Variants in SOCS6 observed in about 807,000 individuals in gnomAD.
The protein encoded by SOCS6 is suppressor of cytokine signaling 6, also known as STAT induced STAT inhibitor-4.
In SOCS6, 5 loss-of-function variants were observed where a neutral mutation model predicts 27.7. The observed-to-expected ratio is 0.18, with a 90% CI of 0.09 to 0.38. SOCS6 has a LOEUF of 0.38. Ranked by LOEUF, SOCS6 falls within the 10% of genes least tolerant of loss-of-function variation. SOCS6 has a pLI of 1.00. For synonymous variants in SOCS6, 271 were observed against 260.0 expected (o/e 1.04, Z -0.41); for missense variants, 595 against 688.1 (o/e 0.86, Z 1.51).
At chr18:70,324,097 T>C (rs960457447) in intron 1 of SOCS6, among the ~76,000 whole-genome samples, 2 of 151,968 alleles carry the variant, frequency 1.3e-5, no homozygotes, top group Non-Finnish European at 2.9e-5. Flanking sequence ...GGTCAAGAGA[T>C]CGAGACCATC....
At chr18:70,289,773 C>G (rs1022621950) in intron 1 of SOCS6, among the ~76,000 whole-genome samples, 2 of 152,116 alleles carry the variant, frequency 1.3e-5, no homozygotes, top group Non-Finnish European at 2.9e-5. Flanking sequence ...CGCACTCACC[C>G]GGGTGTAGGG....
chr18:70,323,446 T>C (rs534987729), intron 1 of SOCS6, among the ~76,000 whole-genome samples: 3 of 152,280 alleles, frequency 2.0e-5, no homozygotes, highest in Admixed American at 6.5e-5. Flanking sequence ...AGAAAATATA[T>C]TTCTGGATAT....
intron 1 of SOCS6, among the ~76,000 whole-genome samples, chr18:70,320,632 ATTAG>A (rs914487184): frequency 8.5e-5 from 13 of 152,300 alleles, no homozygotes; most frequent in Admixed American, 2.0e-4. Context: ...TAATTTTATT[ATTAG>A]TTATAGTTAT....
rs895966817 is a variant in SOCS6, at chr18:70,327,660, T to C, written c.*1384T>C. On this transcript the variant is annotated 3_prime_UTR_variant, in exon 2 of 2. Coordinates refer to ENST00000397942, the MANE Select transcript of SOCS6 (RefSeq NM_004232.4). ...TAGTTATTTTGTAATGCAGAGTGTT[T>C]ATTCATTTCACAGTTCTGCAATGGA... is the stretch of plus-strand genomic sequence containing the variant. 1.2e-5 allele frequency: 2 copies of C among 167,082 alleles called. No individual in the cohort carries two copies. Among genetic ancestry groups the C allele is most frequent in the Admixed American group, 6.5e-5 (1 of 15,278 alleles). 10.3% of individuals were successfully genotyped at this position (167,082 alleles called of 1,614,324 possible).
chr18:70,328,722 G>A lies in SOCS6; in HGVS notation c.*2446G>A, dbSNP rs1334400613. 1 of 166,774 alleles carries A rather than the reference G, an allele frequency of 6.0e-6. No individual in the cohort carries two copies. The highest frequency in any genetic ancestry group is 2.4e-5 in the African/African-American group (1 of 41,346). The allele number at this position is 166,774 out of a possible 1,614,324, so 10.3% of individuals were successfully genotyped here. The stretch of plus-strand genomic sequence containing the variant: ...AAATTTACAAGCAGAAAGATGTTTT[G>A]CGATATTTTCTACTTTTGTGTAGAA... On this transcript the variant is annotated 3_prime_UTR_variant, in exon 2 of 2. Transcript: ENST00000397942.
At chr18:70,308,779 C>T (rs990506518) in intron 1 of SOCS6, among the ~76,000 whole-genome samples, 5 of 152,066 alleles carry the variant, frequency 3.3e-5, no homozygotes, top group Admixed American at 3.3e-4. Flanking sequence ...GCTGTGTCTT[C>T]GTTATGTATT....
chr18:70,324,918 A>T lies in SOCS6; in HGVS notation c.250A>T (p.Lys84Ter). ...TACGCTAAAAAGGCGGCTTTCTGCA[A>T]AACAGAAGTCAAAAGGCAAGGCGGG... Reference protein sequence around the residue: ...MGTLKRRLSAKQKSKGKAGTP... With the variant: ...MGTLKRRLSA Residue 84 changes from lysine to a stop codon, truncating the protein, a stop_gained, in exon 2 of 2, where the codon AAA (lysine) becomes TAA (stop). Coordinates refer to ENST00000397942, the MANE Select transcript of SOCS6 (RefSeq NM_004232.4). LOFTEE classifies it high-confidence loss of function. 1 of 1,614,220 alleles carries T rather than the reference A, an allele frequency of 6.2e-7. No homozygotes were observed. The highest frequency in any genetic ancestry group is 8.5e-7 in the Non-Finnish European group (1 of 1,180,042).
At chr18:70,299,221 A>C (rs940948854) in intron 1 of SOCS6, among the ~76,000 whole-genome samples, 1 of 152,162 alleles carries the variant, frequency 6.6e-6, no homozygotes, top group African/African-American at 2.4e-5. Context: ...GTCCCATGAG[A>C]CTGCCCCGTC....
At chr18:70,323,363 A>G (rs537534211) in intron 1 of SOCS6, among the ~76,000 whole-genome samples, 2 of 152,346 alleles carry the variant, frequency 1.3e-5, no homozygotes, top group East Asian at 1.9e-4. Flanking sequence ...TTTGCTGTGA[A>G]ATGACTTTCA....
chr18:70,325,440 G>A lies in SOCS6; in HGVS notation c.772G>A (p.Gly258Arg). The stretch of plus-strand genomic sequence containing the variant: ...AGTCTCTGCGGTTCCTCCTCAAGTG[G>A]GAGGGCGCGCTTTCCCCGAGGATGA... ...MEVSAVPPQV[G>R]GRAFPEDESQ... Residue 258 changes from glycine (G) to arginine (R), a missense_variant, in exon 2 of 2, where the codon GGA (glycine) becomes AGA (arginine). By Grantham distance (125) the Gly-to-Arg change is moderately radical (BLOSUM62 -2). This residue lies in a region of SOCS6 where 467 missense variants were observed against 481.1 expected (regional missense o/e 0.97). Transcript: ENST00000397942. The surrounding 1 kb of genome is among the most constrained non-coding windows in gnomAD (Gnocchi z 6.3). The A allele has an allele frequency of 6.2e-7, 1 of 1,614,196 alleles. No homozygotes were observed. Among genetic ancestry groups the A allele is most frequent in the South Asian group, 1.1e-5 (1 of 91,070 alleles).
chr18:70,326,119 C>T lies in SOCS6; in HGVS notation c.1451C>T (p.Pro484Leu). ...RSRLPGSATY[P>L]VRLTNPVSRF... Reference sequence around the variant, plus strand: ...CGGCTGCCTGGATCTGCAACTTACCCCGTCAGACTGACCAACCCAGTGTCC... The same window carrying T: ...CGGCTGCCTGGATCTGCAACTTACCTCGTCAGACTGACCAACCCAGTGTCC... Residue 484 changes from proline (P) to leucine (L), a missense_variant, in exon 2 of 2, where the codon CCC (proline) becomes CTC (leucine). Pro to Leu is a moderately conservative substitution (Grantham distance 98). Around this residue, in one of 2 missense-constraint regions of SOCS6, gnomAD observed 128 missense variants for 207.0 expected, o/e 0.62. Coordinates refer to ENST00000397942, the MANE Select transcript of SOCS6 (RefSeq NM_004232.4). The T allele has an allele frequency of 2.5e-6, 4 of 1,614,202 alleles. No individual in the cohort carries two copies. Among genetic ancestry groups the T allele is most frequent in the Non-Finnish European group, 3.4e-6 (4 of 1,180,042 alleles).
intron 1 of SOCS6, among the ~76,000 whole-genome samples, chr18:70,321,187 TC>T (rs1403092345): frequency 6.6e-6 from 1 of 151,524 alleles, no homozygotes; most frequent in Non-Finnish European, 1.5e-5. Context: ...GGTGGGAGGA[TC>T]TCTTGAACCC....
rs1911319096 is a variant in SOCS6, at chr18:70,329,107, A to T, written c.*2831A>T. The T allele has an allele frequency of 6.0e-6, 1 of 167,092 alleles. No individual in the cohort carries two copies. The highest frequency in any genetic ancestry group is 2.1e-4 in the South Asian group (1 of 4,832). 10.4% of individuals were successfully genotyped at this position (167,092 alleles called of 1,614,324 possible). On this transcript the variant is annotated 3_prime_UTR_variant, in exon 2 of 2. Transcript: ENST00000397942. Reference sequence around the variant, plus strand: ...CAGAAGCTATTTTTAGGCTTACTATAACACTATTATGCATTTTTATAAATA... The same window carrying T: ...CAGAAGCTATTTTTAGGCTTACTATTACACTATTATGCATTTTTATAAATA...
rs970123081 is a variant in SOCS6, at chr18:70,327,362, G to A, written c.*1086G>A. 12 of 166,718 alleles carry A rather than the reference G, an allele frequency of 7.2e-5. No individual in the cohort carries two copies. The highest frequency in any genetic ancestry group is 2.9e-4 in the African/African-American group (12 of 41,392). 10.3% of individuals were successfully genotyped at this position (166,718 alleles called of 1,614,324 possible). A position where few individuals can be genotyped will look rare whatever the true frequency, so the allele number is the denominator to read the frequency against. On this transcript the variant is annotated 3_prime_UTR_variant, in exon 2 of 2. Coordinates refer to ENST00000397942, the MANE Select transcript of SOCS6 (RefSeq NM_004232.4). ...TCTTCTATGTAGTTACTATAAAAGT[G>A]TGCTGGATTTGACCAATCCTTACCC...
intron 1 of SOCS6, among the ~76,000 whole-genome samples, chr18:70,290,157 G>A (rs2062292555): frequency 6.6e-6 from 1 of 152,216 alleles, no homozygotes; most frequent in Non-Finnish European, 1.5e-5. Flanking sequence ...AGAGAACACA[G>A]TAATGACAGA....
At chr18:70,309,941 C>T (rs2062383782) in intron 1 of SOCS6, among the ~76,000 whole-genome samples, 1 of 152,238 alleles carries the variant, frequency 6.6e-6, no homozygotes, top group Non-Finnish European at 1.5e-5. Flanking sequence ...CTGCCTCAGC[C>T]TCCCAGAATG....
chr18:70,310,546 A>T (rs1452219631), intron 1 of SOCS6, among the ~76,000 whole-genome samples: 1 of 145,232 alleles, frequency 6.9e-6, no homozygotes, highest in Non-Finnish European at 1.5e-5. Flanking sequence ...GGGCTCAAGC[A>T]GTCTGCACAC....
intron 1 of SOCS6, among the ~76,000 whole-genome samples, chr18:70,322,610 GTAGAAGACATGC>G (rs1208442732): frequency 2.0e-5 from 3 of 152,146 alleles, no homozygotes; most frequent in African/African-American, 7.2e-5. Context: ...TTATGCTTGG[GTAGAAGACATGC>G]TACTAAGACA....
intron 1 of SOCS6, among the ~76,000 whole-genome samples, chr18:70,296,972 T>C (rs1261300007): frequency 1.3e-5 from 1 of 78,670 alleles, no homozygotes; most frequent in Non-Finnish European, 3.0e-5. Flanking sequence ...CGTCTACTTA[T>C]TTTCTTAGCT....
Sources: allele counts gnomAD v4.1 joint callset (sites outside exome capture counted in the v4.1 genomes callset), GRCh38; gene constraint gnomAD v4.1.1; regional missense constraint gnomAD v4.1.1; non-coding constraint Gnocchi (gnomAD v3.1); transcripts MANE v1.5; gene names NCBI Gene and HGNC (gene_info 2026-07-23, HGNC 2026-07-21).